Variants in PEX14 observed in about 807,000 individuals in gnomAD.
PEX14 encodes the protein peroxisomal biogenesis factor 14.
PEX14 carries 15 observed loss-of-function variants against 49.5 expected under a neutral mutation model. That is an observed-to-expected ratio of 0.30 (90% CI 0.20 to 0.47). The LOEUF (loss-of-function observed/expected upper bound fraction) is 0.47. Ranked by LOEUF, PEX14 falls within the 20% of genes least tolerant of loss-of-function variation. The pLI, the probability that PEX14 is intolerant of heterozygous loss-of-function variation, is 1.00. For synonymous variants in PEX14, 210 were observed against 212.7 expected (o/e 0.99, Z 0.11); for missense variants, 398 against 494.8 (o/e 0.80, Z 1.86).
chr1:10,595,722 C>T (rs186593056), intron 3 of PEX14, among the ~76,000 whole-genome samples: 3 of 152,332 alleles, frequency 2.0e-5, no homozygotes, highest in South Asian at 2.1e-4. Context: ...GCCATTGCTC[C>T]GTCCCTCTGC....
At chr1:10,586,892 G>A (rs769574148) in intron 3 of PEX14, among the ~76,000 whole-genome samples, 19 of 151,790 alleles carry the variant, frequency 1.3e-4, no homozygotes, top group Non-Finnish European at 2.5e-4. Context: ...CCACCGCCTC[G>A]GCCTCCCAAA....
At chr1:10,549,050 G>C (rs1365986841) in intron 3 of PEX14, among the ~76,000 whole-genome samples, 1 of 151,982 alleles carries the variant, frequency 6.6e-6, no homozygotes, top group Non-Finnish European at 1.5e-5. Flanking sequence ...CTTAAATTTT[G>C]TGTGGATTTT....
intron 1 of PEX14, among the ~76,000 whole-genome samples, chr1:10,484,401 G>C (rs1012479979): frequency 1.3e-5 from 2 of 151,502 alleles, no homozygotes; most frequent in African/African-American, 2.4e-5. Flanking sequence ...TCCAACTCCT[G>C]ACCTCATGTG....
intron 3 of PEX14, among the ~76,000 whole-genome samples, chr1:10,555,035 T>C (rs1429278118): frequency 2.0e-5 from 3 of 152,072 alleles, no homozygotes; most frequent in Non-Finnish European, 4.4e-5. Context: ...AAAGCAGCCT[T>C]CTTCTTGATC....
At chr1:10,554,720 C>CTTT (rs58060040) in intron 3 of PEX14, among the ~76,000 whole-genome samples, 4 of 148,988 alleles carry the variant, frequency 2.7e-5, no homozygotes, top group South Asian at 2.1e-4. Context: ...GCTTTTTTTT[C>CTTT]TTTTTTTTTT....
chr1:10,614,685 A>G (rs1042463871), intron 4 of PEX14, among the ~76,000 whole-genome samples: 1 of 152,202 alleles, frequency 6.6e-6, no homozygotes, highest in Non-Finnish European at 1.5e-5. Context: ...GGTGTCTGAG[A>G]AATCAGTGGT....
chr1:10,620,771 C>T (rs963021711), intron 5 of PEX14, among the ~76,000 whole-genome samples: 2 of 152,336 alleles, frequency 1.3e-5, no homozygotes, highest in African/African-American at 2.4e-5. Flanking sequence ...TGCACTCCAG[C>T]GTGGGTGAAA....
At chr1:10,573,477 G>A (rs552395626) in intron 3 of PEX14, among the ~76,000 whole-genome samples, 5 of 152,138 alleles carry the variant, frequency 3.3e-5, no homozygotes, top group African/African-American at 4.8e-5. Flanking sequence ...TTTCCAGAGC[G>A]TTAATAATCA....
At chr1:10,549,918 T>C (rs966204265) in intron 3 of PEX14, among the ~76,000 whole-genome samples, 1 of 152,180 alleles carries the variant, frequency 6.6e-6, no homozygotes, top group African/African-American at 2.4e-5. Flanking sequence ...TTTGGAAAGA[T>C]TTTTACTATT....
At chr1:10,519,751 T>C (rs74225528) in intron 2 of PEX14, among the ~76,000 whole-genome samples, 22,880 of 152,250 alleles carry the variant, frequency 0.15, 1,887 homozygotes, top group South Asian at 0.3. Context: ...GAATATTCAT[T>C]TCTACTTACT....
In PEX14 at chr1:10,629,960, C is replaced by T. The variant is rs781098256; in HGVS notation, c.1107C>T (p.Gly369=). The change falls in exon 9 of 9, where the codon GGC becomes GGT. Residue 369 remains glycine (G), a synonymous_variant. Transcript: ENST00000356607. The surrounding 1 kb of genome is among the most constrained non-coding windows in gnomAD (Gnocchi z 8.5). ...EQVEKLRRPE[G]ASNESERD The stretch of plus-strand genomic sequence containing the variant: ...TGGAGAAGCTGCGGCGGCCCGAGGG[C>T]GCCAGCAACGAGAGTGAGCGGGACT... 189 of 1,610,600 alleles carry T rather than the reference C, an allele frequency of 1.2e-4. No homozygotes were observed. In the Admixed American group the frequency reaches 2.5e-3, roughly 21 times the overall value.
chr1:10,553,249 G>T (rs1639386865), intron 3 of PEX14, among the ~76,000 whole-genome samples: 1 of 152,196 alleles, frequency 6.6e-6, no homozygotes, highest in African/African-American at 2.4e-5. Context: ...GGATGCAAGA[G>T]TGAAGAAGAG....
chr1:10,537,342 C>CA (rs1638841699), intron 3 of PEX14, among the ~76,000 whole-genome samples: 1 of 18,150 alleles, frequency 5.5e-5, no homozygotes, highest in Non-Finnish European at 3.2e-4. Context: ...TGTGCCAGCA[C>CA]CCCCCCCCCC....
chr1:10,565,827 G>A (rs1639787860), intron 3 of PEX14, among the ~76,000 whole-genome samples: 1 of 151,866 alleles, frequency 6.6e-6, no homozygotes, highest in Non-Finnish European at 1.5e-5. Flanking sequence ...CAGCCTGGGC[G>A]ACCTCATTGC....
At chr1:10,590,337 C>T (rs554468106) in intron 3 of PEX14, among the ~76,000 whole-genome samples, 13 of 152,264 alleles carry the variant, frequency 8.5e-5, no homozygotes, top group Admixed American at 3.9e-4. Context: ...CTCTGCTACA[C>T]GTGGGTTTAA....
At chr1:10,555,353 C>T (rs1396611770) in intron 3 of PEX14, among the ~76,000 whole-genome samples, 3 of 152,058 alleles carry the variant, frequency 2.0e-5, no homozygotes, top group African/African-American at 7.3e-5. Flanking sequence ...CTTCCTTCTT[C>T]CCTACATACA....
intron 3 of PEX14, among the ~76,000 whole-genome samples, chr1:10,541,100 T>A (rs954721297): frequency 6.6e-6 from 1 of 152,126 alleles, no homozygotes; most frequent in Non-Finnish European, 1.5e-5. Context: ...CAGTCATAAG[T>A]GTGAACCAAA....
rs544249434 is a variant in PEX14, at chr1:10,494,961, A to G, written c.37-313A>G. 1 of 212,394 alleles carries G rather than the reference A, an allele frequency of 4.7e-6. No individual in the cohort carries two copies. Among genetic ancestry groups the G allele is most frequent in the Non-Finnish European group, 8.1e-6 (1 of 123,140 alleles). The allele number at this position is 212,394 out of a possible 1,614,324, so 13.2% of individuals were successfully genotyped here. Reference sequence around the variant, plus strand: ...TCTCTGGACTCTACTCTTCCCGTGGATTTTGGGATGGTCCCCAGCCCTTGC... The same window carrying G: ...TCTCTGGACTCTACTCTTCCCGTGGGTTTTGGGATGGTCCCCAGCCCTTGC... On this transcript the variant is annotated intron_variant, in intron 1 of 8. Coordinates refer to ENST00000356607, the MANE Select transcript of PEX14 (RefSeq NM_004565.3). This position sits in a 1 kb window ranked among gnomAD's most constrained non-coding sequence, Gnocchi z 4.3.
chr1:10,511,993 T>C (rs952768984), intron 2 of PEX14, among the ~76,000 whole-genome samples: 1 of 152,182 alleles, frequency 6.6e-6, no homozygotes, highest in Non-Finnish European at 1.5e-5. Flanking sequence ...GGAGTCTTGC[T>C]CTGTCACCCA....
Sources: gnomAD v4.1 joint callset for allele counts (sites outside exome capture counted in the v4.1 genomes callset) on GRCh38, gnomAD v4.1.1 for gene constraint, Gnocchi (gnomAD v3.1) non-coding constraint, MANE v1.5 for transcripts, NCBI Gene and HGNC (gene_info 2026-07-23, HGNC 2026-07-21) for gene names.